Variants in ERBB4 observed in about 807,000 individuals in gnomAD.
ERBB4 encodes erb-b2 receptor tyrosine kinase 4.
In ERBB4, 42 loss-of-function variants were observed where a neutral mutation model predicts 158.0. The ratio of observed to expected loss-of-function variants is 0.27; its 90% CI spans 0.21 to 0.34. The LOEUF is 0.34. ERBB4 is among the 10% of genes least tolerant of loss of function. The pLI is 1.00. For missense variants in ERBB4, 1,333 were observed against 1,624.1 expected, an observed-to-expected ratio of 0.82 and a Z score of 3.08; for synonymous variants, 583 against 558.7, an observed-to-expected ratio of 1.04 and a Z score of -0.61.
intron 12 of ERBB4, among the ~76,000 whole-genome samples, chr2:211,692,270 G>A (rs991183761): frequency 2.0e-5 from 3 of 152,136 alleles, no homozygotes; most frequent in Admixed American, 2.0e-4. Flanking sequence ...GATGTTGTTC[G>A]AACCCCTGGA....
At chr2:211,978,396 G>GTCTTTCTTTCTATCTATCTATCTATCTA (rs77259627) in intron 2 of ERBB4, among the ~76,000 whole-genome samples, 2 of 136,560 alleles carry the variant, frequency 1.5e-5, no homozygotes, top group African/African-American at 5.7e-5. Flanking sequence ...CTGTCTGTCT[G>GTCTTTCTTTCTATCTATCTATCTATCTA]TCTATCTATC....
intron 13 of ERBB4, among the ~76,000 whole-genome samples, chr2:211,673,774 T>C (rs1316696938): frequency 6.6e-6 from 1 of 152,154 alleles, no homozygotes; most frequent in Non-Finnish European, 1.5e-5. Flanking sequence ...TTGATTCCTC[T>C]TCTCCTTTTA....
rs115909523 is a variant in ERBB4 at position 212,465,395 on chromosome 2, G to A, written c.82+73054C>T. ...GAAAGCGAACAGTCATGGTCACAGC[G>A]CACCTCTTTGCTGAATGGATGAGGA... is the stretch of plus-strand genomic sequence containing the variant. On this transcript the variant is annotated intron_variant, in intron 1 of 27. Transcript: ENST00000342788. Among the ~76,000 whole-genome samples, 17 of 152,204 alleles carry A rather than the reference G, an allele frequency of 1.1e-4. No homozygotes were observed. The East Asian group carries it at 1.2e-3, about 10-fold the overall frequency.
At chr2:211,539,797 A>G (rs1851183) in intron 20 of ERBB4, among the ~76,000 whole-genome samples, 1 of 151,858 alleles carries the variant, frequency 6.6e-6, no homozygotes, top group African/African-American at 2.4e-5. Context: ...TTTTATGTTC[A>G]TTGTATCACG....
chr2:211,944,775 C>T (rs1474908014), intron 3 of ERBB4, among the ~76,000 whole-genome samples: 1 of 152,050 alleles, frequency 6.6e-6, no homozygotes, highest in African/African-American at 2.4e-5. Flanking sequence ...CTGGGCCCCA[C>T]CCCCAGAGTT....
At chr2:211,472,901 ATTAT>A (rs2064863641) in intron 20 of ERBB4, among the ~76,000 whole-genome samples, 2 of 150,562 alleles carry the variant, frequency 1.3e-5, no homozygotes, top group Admixed American at 1.3e-4. Flanking sequence ...TAATATAAAT[ATTAT>A]TTATTATTTA....
intron 1 of ERBB4, among the ~76,000 whole-genome samples, chr2:212,358,790 T>C (rs1236751475): frequency 1.3e-5 from 2 of 151,820 alleles, no homozygotes; most frequent in Non-Finnish European, 2.9e-5. Flanking sequence ...CATGCTTTAA[T>C]AATTTCTTAG....
chr2:212,309,292 G>A (rs1348939062), intron 1 of ERBB4, among the ~76,000 whole-genome samples: 2 of 150,776 alleles, frequency 1.3e-5, no homozygotes, highest in African/African-American at 4.8e-5. Context: ...AAACCTGCAA[G>A]CACATAAAGG....
At chr2:211,596,042 TG>T (rs1407664677) in intron 19 of ERBB4, among the ~76,000 whole-genome samples, 1 of 151,992 alleles carries the variant, frequency 6.6e-6, no homozygotes, top group African/African-American at 2.4e-5. Context: ...GTAACTCCAA[TG>T]AAAAAAATAC....
intron 20 of ERBB4, among the ~76,000 whole-genome samples, chr2:211,536,924 AAAAACAAAAC>A (rs572841200): frequency 6.6e-6 from 1 of 151,872 alleles, no homozygotes; most frequent in Non-Finnish European, 1.5e-5. Context: ...TAGAGCAGGA[AAAAACAAAAC>A]AAAACAAAAC....
chr2:211,711,967 G>T (rs1258792465), intron 9 of ERBB4, 83 bp downstream of exon 9: 4 of 1,198,658 alleles, frequency 3.3e-6, no homozygotes, highest in East Asian at 2.4e-5. Context: ...AGCTTCCAGA[G>T]GAATCAAATA....
At chr2:212,538,084 G>C (rs1025681089) in intron 1 of ERBB4, among the ~76,000 whole-genome samples, 8 of 152,162 alleles carry the variant, frequency 5.3e-5, no homozygotes, top group African/African-American at 1.4e-4. Context: ...TTCTGCCCTC[G>C]GGGACCCGAC....
At chr2:212,421,524 T>C (rs777779348) in intron 1 of ERBB4, among the ~76,000 whole-genome samples, 1 of 152,206 alleles carries the variant, frequency 6.6e-6, no homozygotes, top group Non-Finnish European at 1.5e-5. Flanking sequence ...TTATAGTATA[T>C]GAGAAACCAC....
intron 25 of ERBB4, among the ~76,000 whole-genome samples, chr2:211,392,805 T>C (rs1471365467): frequency 2.6e-5 from 4 of 152,016 alleles, no homozygotes; most frequent in Non-Finnish European, 4.4e-5. Context: ...GTAGCTGGGA[T>C]TGCAGGTGCC....
chr2:212,383,819 T>G lies in ERBB4; in HGVS notation c.82+154630A>C, dbSNP rs2090588336. Reference sequence around the variant, plus strand: ...TTATCGAAGACAATTATTCCTACATTTATTATGATTAATTAGGCACATGTC... The same window carrying G: ...TTATCGAAGACAATTATTCCTACATGTATTATGATTAATTAGGCACATGTC... On this transcript the variant is annotated intron_variant, in intron 1 of 27. Coordinates refer to ENST00000342788, the MANE Select transcript of ERBB4 (RefSeq NM_005235.3). Among the ~76,000 whole-genome samples the G allele has an allele frequency of 2.0e-5, 3 of 151,652 alleles. No homozygotes were observed. The Admixed American group carries it at 2.0e-4, about 10-fold the overall frequency.
chr2:211,623,457 T>C (rs1032825960), intron 18 of ERBB4, among the ~76,000 whole-genome samples: 1 of 152,080 alleles, frequency 6.6e-6, no homozygotes, highest in South Asian at 2.1e-4. Flanking sequence ...CATATTTGAA[T>C]GGATTCTAAA....
chr2:212,279,312 A>G (rs1404521851), intron 1 of ERBB4, among the ~76,000 whole-genome samples: 3 of 151,584 alleles, frequency 2.0e-5, no homozygotes, highest in African/African-American at 7.2e-5. Context: ...ACTGAAATTT[A>G]CTTATTTTAA....
intron 2 of ERBB4, among the ~76,000 whole-genome samples, chr2:212,035,251 A>G (rs1351629243): frequency 6.6e-6 from 1 of 152,202 alleles, no homozygotes; most frequent in Non-Finnish European, 1.5e-5. Flanking sequence ...ACTTAGGTAC[A>G]GGTTCTTATC....
At chr2:211,873,566 G>A (rs868510544) in intron 3 of ERBB4, among the ~76,000 whole-genome samples, 1 of 152,342 alleles carries the variant, frequency 6.6e-6, no homozygotes, top group African/African-American at 2.4e-5. Flanking sequence ...TTCCCCAAAA[G>A]TAGTGTTGTA....
Sources: gnomAD v4.1 joint callset for allele counts (sites outside exome capture counted in the v4.1 genomes callset) on GRCh38, gnomAD v4.1.1 for gene constraint, MANE v1.5 for transcripts, NCBI Gene and HGNC (gene_info 2026-07-23, HGNC 2026-07-21) for gene names.